Variants in HS3ST4 observed in about 807,000 individuals in gnomAD.
HS3ST4 encodes heparan sulfate-glucosamine 3-sulfotransferase 4.
HS3ST4 carries 17 observed loss-of-function variants against 29.2 expected under a neutral mutation model. The ratio of observed to expected loss-of-function variants is 0.58; its 90% CI spans 0.40 to 0.87. HS3ST4 has a LOEUF of 0.87. HS3ST4 is among the 40% of genes least tolerant of loss of function. The pLI is 0.00. For missense variants in HS3ST4, 627 were observed against 634.5 expected, an observed-to-expected ratio of 0.99 and a Z score of 0.13; for synonymous variants, 314 against 285.7, an observed-to-expected ratio of 1.10 and a Z score of -1.00.
At chr16:25,938,170 A>G (rs540806900) in intron 1 of HS3ST4, among the ~76,000 whole-genome samples, 1 of 152,254 alleles carries the variant, frequency 6.6e-6, no homozygotes, top group Admixed American at 6.5e-5. Flanking sequence ...GTAGTCACCA[A>G]TCAGGACAGC....
In HS3ST4 at chr16:26,136,246, T is replaced by C; in HGVS notation, c.1369T>C (p.Ter457ArgextTer2). The C allele has an allele frequency of 6.2e-7, 1 of 1,611,108 alleles. No individual in the cohort carries two copies. Among genetic ancestry groups the C allele is most frequent in the Non-Finnish European group, 8.5e-7 (1 of 1,179,160 alleles). ...GTGGGAACAGGAAGAGGGTGATAAATGAGGCTAGAGAGGCAGAGGAAGGCT... is the reference window on the plus strand; with the variant it reads ...GTGGGAACAGGAAGAGGGTGATAAACGAGGCTAGAGAGGCAGAGGAAGGCT... ...FQWEQEEGDK[*>R] The change falls in exon 2 of 2, where the codon TGA becomes CGA. Residue 457 changes from the stop codon to arginine, a stop_lost. Coordinates refer to ENST00000331351, the MANE Select transcript of HS3ST4 (RefSeq NM_006040.3).
chr16:26,119,403 G>A (rs1283137764), intron 1 of HS3ST4, among the ~76,000 whole-genome samples: 1 of 152,226 alleles, frequency 6.6e-6, no homozygotes, highest in Non-Finnish European at 1.5e-5. Context: ...TTTAGAAATA[G>A]AGGCCACAGA....
chr16:25,958,872 G>C (rs1262168379), intron 1 of HS3ST4, among the ~76,000 whole-genome samples: 1 of 152,150 alleles, frequency 6.6e-6, no homozygotes, highest in Non-Finnish European at 1.5e-5. Flanking sequence ...TTCCCTCAAG[G>C]CACAAAAGCA....
chr16:25,933,218 G>A (rs889740776), intron 1 of HS3ST4, among the ~76,000 whole-genome samples: 3 of 152,140 alleles, frequency 2.0e-5, no homozygotes, highest in African/African-American at 7.2e-5. Context: ...TTACTTATGT[G>A]GAGGCGAAGA....
rs573483798 is a variant in HS3ST4, at chr16:25,966,375, A to G, written c.735-169237A>G. Among the ~76,000 whole-genome samples the G allele has an allele frequency of 3.3e-5, 5 of 152,302 alleles. No individual in the cohort carries two copies. In the South Asian group the frequency reaches 1.0e-3, roughly 32 times the overall value. Reference sequence around the variant, plus strand: ...CCCCAGGAATAAGCCCCTAGAAACCATACTCTGACTCCTGGTACAGCCCAT... The same window carrying G: ...CCCCAGGAATAAGCCCCTAGAAACCGTACTCTGACTCCTGGTACAGCCCAT... On this transcript the variant is annotated intron_variant, in intron 1 of 1. Transcript: ENST00000331351.
intron 1 of HS3ST4, among the ~76,000 whole-genome samples, chr16:26,106,329 C>G (rs1200289255): frequency 6.6e-6 from 1 of 152,218 alleles, no homozygotes; most frequent in Non-Finnish European, 1.5e-5. Context: ...ACCCACCCTA[C>G]TCCGTACGGC....
At chr16:25,925,518 G>A (rs1033849233) in intron 1 of HS3ST4, among the ~76,000 whole-genome samples, 1 of 152,086 alleles carries the variant, frequency 6.6e-6, no homozygotes, top group South Asian at 2.1e-4. Flanking sequence ...ACCAAATGCA[G>A]CCCCAACTCT....
At chr16:25,911,196 T>C (rs1968235032) in intron 1 of HS3ST4, among the ~76,000 whole-genome samples, 1 of 152,144 alleles carries the variant, frequency 6.6e-6, no homozygotes, top group Non-Finnish European at 1.5e-5. Context: ...GGAAGGCTGC[T>C]CCATCCTGGG....
chr16:25,963,363 C>A (rs370274048), intron 1 of HS3ST4, among the ~76,000 whole-genome samples: 7 of 152,080 alleles, frequency 4.6e-5, no homozygotes, highest in South Asian at 2.1e-4. Context: ...TTTTTTCATG[C>A]CCTCCTTCTT....
At chr16:25,704,073 G>A (rs555212119) in intron 1 of HS3ST4, among the ~76,000 whole-genome samples, 5 of 152,282 alleles carry the variant, frequency 3.3e-5, no homozygotes, top group African/African-American at 1.2e-4. Flanking sequence ...GATAGTAGAT[G>A]CTCAATGCAT....
chr16:25,950,512 A>G (rs1190559974), intron 1 of HS3ST4, among the ~76,000 whole-genome samples: 2 of 152,108 alleles, frequency 1.3e-5, no homozygotes, highest in Non-Finnish European at 2.9e-5. Flanking sequence ...TAAATGAATG[A>G]ATGAATGGTT....
intron 1 of HS3ST4, among the ~76,000 whole-genome samples, chr16:25,756,321 C>T (rs1005670734): frequency 2.0e-5 from 3 of 152,118 alleles, no homozygotes; most frequent in Non-Finnish European, 2.9e-5. Context: ...AGTAAAATCA[C>T]TCTGGTGGCA....
chr16:25,904,147 GATGGATGA>G (rs200007169), intron 1 of HS3ST4, among the ~76,000 whole-genome samples: 33 of 92,032 alleles, frequency 3.6e-4, no homozygotes, highest in Admixed American at 5.2e-4. Context: ...TGGATGGATG[GATGGATGA>G]ATGGATGAAT....
intron 1 of HS3ST4, among the ~76,000 whole-genome samples, chr16:25,782,340 T>C (rs1966853394): frequency 6.6e-6 from 1 of 152,168 alleles, no homozygotes; most frequent in South Asian, 2.1e-4. Context: ...ACCTCCTGGC[T>C]CTTGCTTTTG....
intron 1 of HS3ST4, among the ~76,000 whole-genome samples, chr16:25,826,529 C>T (rs1440753962): frequency 6.6e-6 from 1 of 151,852 alleles, no homozygotes; most frequent in Non-Finnish European, 1.5e-5. Flanking sequence ...TTGAGGAAAT[C>T]AAGGATATCA....
chr16:25,788,128 G>A (rs1352213142), intron 1 of HS3ST4, among the ~76,000 whole-genome samples: 1 of 152,082 alleles, frequency 6.6e-6, no homozygotes, highest in African/African-American at 2.4e-5. Context: ...CACAAAAGAT[G>A]CCAGGCCGGT....
intron 1 of HS3ST4, among the ~76,000 whole-genome samples, chr16:25,971,808 G>A (rs962148822): frequency 1.3e-5 from 2 of 152,126 alleles, no homozygotes; most frequent in African/African-American, 2.4e-5. Context: ...CAGTGGGCCT[G>A]TAATCCCAGC....
At chr16:26,048,030 T>C (rs1192870794) in intron 1 of HS3ST4, among the ~76,000 whole-genome samples, 1 of 152,178 alleles carries the variant, frequency 6.6e-6, no homozygotes, top group Non-Finnish European at 1.5e-5. Context: ...AAGTCCAAGA[T>C]CAAGGTGTCG....
intron 1 of HS3ST4, among the ~76,000 whole-genome samples, chr16:25,837,969 C>T (rs62036289): frequency 0.12 from 18,110 of 152,072 alleles, 1,219 homozygotes; most frequent in East Asian, 0.2. Flanking sequence ...GCAGTGTCTA[C>T]TGTTGCCATC....
Sources: gnomAD v4.1 joint callset for allele counts (sites outside exome capture counted in the v4.1 genomes callset) on GRCh38, gnomAD v4.1.1 for gene constraint, MANE v1.5 for transcripts, NCBI Gene and HGNC (gene_info 2026-07-23, HGNC 2026-07-21) for gene names.